CCSER1: variants seen among roughly 807,000 people sequenced by gnomAD.
CCSER1 encodes serine-rich coiled-coil domain-containing protein 1.
CCSER1 carries 41 observed loss-of-function variants against 82.0 expected under a neutral mutation model. The observed-to-expected ratio is 0.50, with a 90% CI of 0.39 to 0.65. CCSER1 has a LOEUF of 0.65. Among genes scored for constraint, CCSER1 ranks in the 30% least tolerant of loss-of-function variants. CCSER1 has a pLI of 0.00. For synonymous variants in CCSER1, 414 were observed against 383.9 expected, an observed-to-expected ratio of 1.08 and a Z score of -0.92; for missense variants, 1,119 against 1,064.2, an observed-to-expected ratio of 1.05 and a Z score of -0.72.
chr4:90,803,894 G>C (rs911200380), intron 7 of CCSER1, among the ~76,000 whole-genome samples: 2 of 152,184 alleles, frequency 1.3e-5, no homozygotes, highest in East Asian at 1.9e-4. Context: ...ACTTCTTAAT[G>C]ATCACCATTC....
At chr4:91,388,822 T>A (rs536074170) in intron 10 of CCSER1, among the ~76,000 whole-genome samples, 2 of 152,128 alleles carry the variant, frequency 1.3e-5, no homozygotes, top group African/African-American at 2.4e-5. Flanking sequence ...ATTGAGTTGG[T>A]TATTCTGGGT....
At chr4:90,934,971 G>A (rs1417622915) in intron 9 of CCSER1, among the ~76,000 whole-genome samples, 1 of 151,742 alleles carries the variant, frequency 6.6e-6, no homozygotes, top group Non-Finnish European at 1.5e-5. Flanking sequence ...CAAAATAGGG[G>A]ACTGTCTTGA....
At chr4:90,468,723 AGTTG>A (rs1412794533) in intron 5 of CCSER1, 7 of 154,486 alleles carry the variant, frequency 4.5e-5, no homozygotes, top group African/African-American at 1.7e-4. Context: ...AAGTTTTTAA[AGTTG>A]GTTTGCATTT....
At chr4:90,661,268 A>G (rs1008165471) in intron 6 of CCSER1, among the ~76,000 whole-genome samples, 1 of 152,154 alleles carries the variant, frequency 6.6e-6, no homozygotes, top group South Asian at 2.1e-4. Flanking sequence ...TAGTATTTAC[A>G]ATAGTTGGCA....
chr4:91,038,871 G>A (rs1741677420), intron 9 of CCSER1, among the ~76,000 whole-genome samples: 1 of 152,116 alleles, frequency 6.6e-6, no homozygotes, highest in African/African-American at 2.4e-5. Context: ...TGGCCAGAAA[G>A]AGGACACAGT....
intron 10 of CCSER1, among the ~76,000 whole-genome samples, chr4:91,384,484 A>T (rs74393373): frequency 0.14 from 20,768 of 151,164 alleles, 1,563 homozygotes; most frequent in Middle Eastern, 0.21. Flanking sequence ...CTTTTTTTTT[A>T]AAAAAATAAA....
chr4:91,380,038 T>G (rs1049601552), intron 10 of CCSER1, among the ~76,000 whole-genome samples: 50 of 152,210 alleles, frequency 3.3e-4, no homozygotes, highest in African/African-American at 1.2e-3. Context: ...TTGTTCAGTT[T>G]CCGTGTAGTT....
At chr4:91,117,492 T>C (rs1371134964) in intron 10 of CCSER1, among the ~76,000 whole-genome samples, 1 of 152,246 alleles carries the variant, frequency 6.6e-6, no homozygotes, top group Non-Finnish European at 1.5e-5. Context: ...AAGTACTATG[T>C]AAATGCTTAT....
chr4:90,632,236 A>G (rs1724586360), intron 6 of CCSER1, among the ~76,000 whole-genome samples: 1 of 152,202 alleles, frequency 6.6e-6, no homozygotes, highest in Non-Finnish European at 1.5e-5. Context: ...ACAACCTTAG[A>G]TTGCTATTAA....
intron 10 of CCSER1, among the ~76,000 whole-genome samples, chr4:91,475,302 A>T (rs1560701111): frequency 6.6e-6 from 1 of 152,036 alleles, no homozygotes; most frequent in South Asian, 2.1e-4. Flanking sequence ...TAAAATAGAT[A>T]TAGGGATAGT....
chr4:91,501,581 T>G (rs1759214642), intron 10 of CCSER1, among the ~76,000 whole-genome samples: 1 of 152,126 alleles, frequency 6.6e-6, no homozygotes, highest in Non-Finnish European at 1.5e-5. Context: ...CTTATGTTTA[T>G]CAATAACTTT....
chr4:91,540,517 T>G (rs1761532292), intron 10 of CCSER1, among the ~76,000 whole-genome samples: 1 of 152,168 alleles, frequency 6.6e-6, no homozygotes, highest in Admixed American at 6.6e-5. Flanking sequence ...TCTTTTATTC[T>G]CTTGATATTG....
intron 7 of CCSER1, among the ~76,000 whole-genome samples, chr4:90,768,915 A>G (rs1476465309): frequency 1.3e-5 from 2 of 152,174 alleles, no homozygotes; most frequent in African/African-American, 2.4e-5. Context: ...GGCTTTGAAA[A>G]TTCTCAGCCT....
At chr4:90,974,811 T>C (rs572456627) in intron 9 of CCSER1, among the ~76,000 whole-genome samples, 1 of 151,586 alleles carries the variant, frequency 6.6e-6, no homozygotes, top group Admixed American at 6.6e-5. Flanking sequence ...AGTAAGATGC[T>C]TTCTTAATCT....
intron 5 of CCSER1, among the ~76,000 whole-genome samples, chr4:90,621,253 GA>G (rs2148878750): frequency 6.6e-6 from 1 of 152,216 alleles, no homozygotes; most frequent in African/African-American, 2.4e-5. Context: ...TTTTGCCAGG[GA>G]GGAAATGTTT....
intron 6 of CCSER1, among the ~76,000 whole-genome samples, chr4:90,658,082 T>TGAC (rs1730045748): frequency 6.6e-6 from 1 of 152,148 alleles, no homozygotes; most frequent in Admixed American, 6.5e-5. Context: ...CCAGCTTGGG[T>TGAC]GACAGAGTGA....
At chr4:91,025,731 C>T (rs1463794904) in intron 9 of CCSER1, among the ~76,000 whole-genome samples, 4 of 152,116 alleles carry the variant, frequency 2.6e-5, no homozygotes, top group Non-Finnish European at 5.9e-5. Flanking sequence ...CTCTGTGCCA[C>T]ACTGTTGCAG....
intron 10 of CCSER1, among the ~76,000 whole-genome samples, chr4:91,153,484 A>T (rs959226324): frequency 1.3e-5 from 2 of 151,774 alleles, no homozygotes; most frequent in Non-Finnish European, 2.9e-5. Flanking sequence ...GAAGTTTGTT[A>T]TTACCGATCT....
chr4:91,464,712 C>G (rs1429000556), intron 10 of CCSER1, among the ~76,000 whole-genome samples: 5 of 152,100 alleles, frequency 3.3e-5, no homozygotes, highest in African/African-American at 1.2e-4. Flanking sequence ...ATCCTAGTCC[C>G]TGGTAAAACA....
Sources: gnomAD v4.1 joint callset for allele counts (sites outside exome capture counted in the v4.1 genomes callset) on GRCh38, gnomAD v4.1.1 for gene constraint, MANE v1.5 for transcripts, NCBI Gene and HGNC (gene_info 2026-07-23, HGNC 2026-07-21) for gene names.